The following RANBP3L variants were observed in gnomAD, a reference collection of about 807,000 sequenced individuals.
The protein encoded by RANBP3L is ran-binding protein 3-like.
Under a neutral mutation model 67.2 loss-of-function variants are expected in RANBP3L, and 56 were observed. The ratio of observed to expected loss-of-function variants is 0.83; its 90% CI spans 0.67 to 1.04. The LOEUF is 1.04. Among genes scored for constraint, RANBP3L ranks in the 50% least tolerant of loss-of-function variants. RANBP3L has a pLI of 0.00. For synonymous variants in RANBP3L, 164 were observed against 181.4 expected (o/e 0.90, Z 0.77); for missense variants, 496 against 535.5 (o/e 0.93, Z 0.73).
At chr5:36,289,035 T>C (rs1229924347) in intron 1 of RANBP3L, among the ~76,000 whole-genome samples, 1 of 152,126 alleles carries the variant, frequency 6.6e-6, no homozygotes, top group Non-Finnish European at 1.5e-5. Context: ...CTACATTTCT[T>C]CTAGAAGCTT....
At chr5:36,294,946 A>C (rs920400555) in intron 1 of RANBP3L, among the ~76,000 whole-genome samples, 1 of 149,414 alleles carries the variant, frequency 6.7e-6, no homozygotes, top group African/African-American at 2.5e-5. Flanking sequence ...ACATATGTAC[A>C]CTACATATTA....
In RANBP3L at chr5:36,277,932, A is replaced by G. The variant is rs189501721; in HGVS notation, c.92-6621T>C. On this transcript the variant is annotated intron_variant, in intron 1 of 13. Transcript: ENST00000296604. The stretch of plus-strand genomic sequence containing the variant: ...TGCAGGCAGACAAGAGAGAATTGAG[A>G]GCCAAGCAAAGGGGGTTTCCCTTTA... Among the ~76,000 whole-genome samples the G allele has an allele frequency of 9.3e-4, 142 of 152,258 alleles. 2 individuals are homozygous for G. The highest frequency in any genetic ancestry group is 8.8e-5 in the Non-Finnish European group (6 of 68,016).
intron 4 of RANBP3L, among the ~76,000 whole-genome samples, chr5:36,266,762 T>C (rs1415951724): frequency 6.6e-6 from 1 of 152,066 alleles, no homozygotes; most frequent in Admixed American, 6.6e-5. Flanking sequence ...TCTCACTTTT[T>C]TTTTTTTTCT....
At chr5:36,270,055 G>A in intron 2 of RANBP3L, 65 bp from the exon 3 acceptor site, 2 of 1,427,010 alleles carry the variant, frequency 1.4e-6, no homozygotes, top group Non-Finnish European at 2.0e-6. Context: ...TGGTGCAAAA[G>A]TTATTGCAGT....
intron 1 of RANBP3L, among the ~76,000 whole-genome samples, chr5:36,281,434 A>G (rs1179887404): frequency 6.6e-6 from 1 of 152,188 alleles, no homozygotes; most frequent in African/African-American, 2.4e-5. Context: ...TAATTCTTAG[A>G]TATCTGAGAC....
chr5:36,301,508 A>G lies in RANBP3L; in HGVS notation c.-92T>C. The stretch of plus-strand genomic sequence containing the variant: ...AGTGGCCTTCACCAGACACCCAGAA[A>G]TACATAGATTCATGCAGATCTTGTC... On this transcript the variant is annotated 5_prime_UTR_variant, in exon 1 of 14. Transcript: ENST00000296604. 1.2e-6 allele frequency: 1 copy of G among 845,262 alleles called. No individual in the cohort carries two copies. The highest frequency in any genetic ancestry group is 2.0e-6 in the Non-Finnish European group (1 of 497,402). The allele number at this position is 845,262 out of a possible 1,614,324, so 52.4% of individuals were successfully genotyped here. A position where few individuals can be genotyped will look rare whatever the true frequency, so the allele number is the denominator to read the frequency against.
chr5:36,269,981 C>T lies in RANBP3L; in HGVS notation c.160G>A (p.Glu54Lys), dbSNP rs773091173. The T allele has an allele frequency of 1.9e-6, 3 of 1,613,530 alleles. No individual in the cohort carries two copies. The highest frequency in any genetic ancestry group is 2.5e-6 in the Non-Finnish European group (3 of 1,179,412). ...KGEQTFKRPA[E>K]DTLYEAAEPE... The stretch of plus-strand genomic sequence containing the variant: ...TCTGCTGCTTCATACAGGGTGTCTT[C>T]TGCAGGTCTCTGAAAGGAAACAAAA... Residue 54 changes from glutamate (E) to lysine (K), a missense_variant, in exon 3 of 14, where the codon GAA becomes AAA. Transcript: ENST00000296604.
rs373974163 is a variant in RANBP3L, at chr5:36,271,776, TC to T, written c.92-466del. Among the ~76,000 whole-genome samples, 523 of 152,324 alleles carry T rather than the reference TC, an allele frequency of 3.4e-3. 6 individuals carry two copies. Among genetic ancestry groups the T allele is most frequent in the African/African-American group, 0.012 (490 of 41,564 alleles). ...AAATATCCAGAAATAATTCATATTTTCTTCACTAGTCATACACCACACTTTA... is the reference window on the plus strand; with the variant it reads ...AAATATCCAGAAATAATTCATATTTTTTCACTAGTCATACACCACACTTTA... On this transcript the variant is annotated intron_variant, in intron 1 of 13. Coordinates refer to ENST00000296604, the MANE Select transcript of RANBP3L (RefSeq NM_145000.5).
At chr5:36,258,441 T>C (rs1749147078) in intron 8 of RANBP3L, among the ~76,000 whole-genome samples, 1 of 152,142 alleles carries the variant, frequency 6.6e-6, no homozygotes, top group African/African-American at 2.4e-5. Context: ...AAATAGAAAC[T>C]GAGGCACAGA....
chr5:36,262,061 A>G lies in RANBP3L; in HGVS notation c.481-19T>C, dbSNP rs755740938. 5 of 1,310,232 alleles carry G rather than the reference A, an allele frequency of 3.8e-6. No homozygotes were observed. Among genetic ancestry groups the G allele is most frequent in the Non-Finnish European group, 5.5e-6 (5 of 907,656 alleles). The allele number at this position is 1,310,232 out of a possible 1,614,324, so 81.2% of individuals were successfully genotyped here. A position where few individuals can be genotyped will look rare whatever the true frequency, so the allele number is the denominator to read the frequency against. On this transcript the variant is annotated intron_variant, in intron 6 of 13. Coordinates refer to ENST00000296604, the MANE Select transcript of RANBP3L (RefSeq NM_145000.5). Reference sequence around the variant, plus strand: ...CAGAAATCTGAAAGTAAAGAAATCCATCAAAAAGTTTATAAAGACTACCTT... The same window carrying G: ...CAGAAATCTGAAAGTAAAGAAATCCGTCAAAAAGTTTATAAAGACTACCTT...
At chr5:36,276,901 A>G (rs945931650) in intron 1 of RANBP3L, among the ~76,000 whole-genome samples, 1 of 152,216 alleles carries the variant, frequency 6.6e-6, no homozygotes, top group Non-Finnish European at 1.5e-5. Context: ...TTTCTGCTAC[A>G]CAGCTTCCCC....
At position 36,260,699 on chromosome 5, in the gene RANBP3L, A is replaced by G. The variant is rs1561103286; in HGVS notation, c.669+81T>C. 2.0e-5 allele frequency: 13 copies of G among 646,218 alleles called. No homozygotes were observed. In the East Asian group the frequency reaches 3.8e-4, roughly 19 times the overall value. 40.0% of individuals were successfully genotyped at this position (646,218 alleles called of 1,614,324 possible). ...GTTAAAAAGTATAATTCAATTTAATATTACTTTTAATTAATTTACCTTTAG... is the reference window on the plus strand; with the variant it reads ...GTTAAAAAGTATAATTCAATTTAATGTTACTTTTAATTAATTTACCTTTAG... On this transcript the variant is annotated intron_variant, in intron 8 of 13. Transcript: ENST00000296604.
chr5:36,269,541 T>C, intron 3 of RANBP3L, 74 bp from the exon 4 acceptor site: 3 of 888,400 alleles, frequency 3.4e-6, no homozygotes, highest in Middle Eastern at 4.4e-4. Context: ...TAGGGTAGGA[T>C]AAACAGAATT....
At position 36,265,101 on chromosome 5, in the gene RANBP3L, TAAA is replaced by T. The variant is rs1488147960; in HGVS notation, c.341-6_341-4del. 3 of 1,566,948 alleles carry T rather than the reference TAAA, an allele frequency of 1.9e-6. No individual in the cohort carries two copies. ...ATGTTTAGAATGTTTCACAGGACCT[TAAA>T]AGAATAGAATTAAAGGATAAATATA... On this transcript the variant is annotated splice_region_variant and splice_polypyrimidine_tract_variant and intron_variant, in intron 5 of 13. Transcript: ENST00000296604.
chr5:36,261,527 A>G (rs941155927), intron 7 of RANBP3L, among the ~76,000 whole-genome samples: 2 of 152,152 alleles, frequency 1.3e-5, no homozygotes, highest in African/African-American at 4.8e-5. Flanking sequence ...AGTAATACTA[A>G]TAAATATTGC....
chr5:36,256,045 T>C (rs1391839577), intron 10 of RANBP3L, among the ~76,000 whole-genome samples: 1 of 152,144 alleles, frequency 6.6e-6, no homozygotes, highest in Non-Finnish European at 1.5e-5. Flanking sequence ...CTATATAATG[T>C]TATTTGAAAG....
At chr5:36,300,198 G>C (rs1235990204) in intron 1 of RANBP3L, among the ~76,000 whole-genome samples, 2 of 152,156 alleles carry the variant, frequency 1.3e-5, no homozygotes, top group Admixed American at 1.3e-4. Flanking sequence ...CCTTAACCCT[G>C]ACACATTCCA....
chr5:36,259,309 G>A (rs1749204958), intron 8 of RANBP3L, among the ~76,000 whole-genome samples: 2 of 152,236 alleles, frequency 1.3e-5, no homozygotes, highest in South Asian at 2.1e-4. Flanking sequence ...GAGTTTGGGC[G>A]CAGTGTCTCA....
At chr5:36,272,203 A>G (rs1750266114) in intron 1 of RANBP3L, among the ~76,000 whole-genome samples, 1 of 152,184 alleles carries the variant, frequency 6.6e-6, no homozygotes, top group Admixed American at 6.5e-5. Flanking sequence ...TTTTAGATAT[A>G]ATTTTTTAAA....
Sources: gnomAD v4.1 joint callset for allele counts (sites outside exome capture counted in the v4.1 genomes callset) on GRCh38, gnomAD v4.1.1 for gene constraint, MANE v1.5 for transcripts, NCBI Gene and HGNC (gene_info 2026-07-23, HGNC 2026-07-21) for gene names.